TTC34: variants seen among roughly 807,000 people sequenced by gnomAD.
TTC34 encodes the protein tetratricopeptide repeat domain 34.
TTC34 carries 44 observed loss-of-function variants against 40.7 expected under a neutral mutation model. The ratio of observed to expected loss-of-function variants is 1.08; its 90% CI spans 0.85 to 1.39. TTC34 has a LOEUF of 1.39. TTC34 is among the 40% of genes most tolerant of loss of function. The probability of loss-of-function intolerance (pLI) is 0.00; values close to 1 mark genes in which losing one functional copy is unlikely to be tolerated. For missense variants in TTC34, 884 were observed against 838.0 expected (o/e 1.05, Z -0.68); for synonymous variants, 422 against 398.6 (o/e 1.06, Z -0.70).
At chr1:2,750,285 C>G (rs1381122667) in intron 6 of TTC34, among the ~76,000 whole-genome samples, 1 of 114,472 alleles carries the variant, frequency 8.7e-6, no homozygotes, top group Non-Finnish European at 1.8e-5. Flanking sequence ...AGCCCAGACC[C>G]CCAGGTGAGC....
At chr1:2,652,538 T>TCGGACAGCC (rs1256329769) in intron 6 of TTC34, among the ~76,000 whole-genome samples, 2 of 9,150 alleles carry the variant, frequency 2.2e-4, no homozygotes, top group Non-Finnish European at 2.9e-4. Context: ...CAGGCGAGCA[T>TCGGACAGCC]TGGAAAGCCT....
intron 6 of TTC34, among the ~76,000 whole-genome samples, chr1:2,699,229 C>T (rs558096067): frequency 7.0e-6 from 1 of 142,848 alleles, no homozygotes; most frequent in Non-Finnish European, 1.6e-5. Flanking sequence ...GAGCATCTGA[C>T]CGCCCGGAGC....
chr1:2,757,655 G>C (rs1641550789), intron 6 of TTC34, among the ~76,000 whole-genome samples: 1 of 146,196 alleles, frequency 6.8e-6, no homozygotes, highest in East Asian at 2.0e-4. Flanking sequence ...CCGACAGCCT[G>C]GAGCAGGACC....
chr1:2,699,330 A>G (rs549568407), intron 6 of TTC34, among the ~76,000 whole-genome samples: 1 of 87,992 alleles, frequency 1.1e-5, no homozygotes, highest in African/African-American at 3.6e-5. Context: ...AGCAGCCACA[A>G]CTCCAGGCGA....
chr1:2,779,849 T>A (rs1328196961), intron 6 of TTC34, among the ~76,000 whole-genome samples: 1 of 152,236 alleles, frequency 6.6e-6, no homozygotes, highest in African/African-American at 2.4e-5. Flanking sequence ...TCCAGCATCT[T>A]TTCATGTGCT....
At chr1:2,694,971 A>C (rs369260707) in intron 6 of TTC34, among the ~76,000 whole-genome samples, 236 of 148,282 alleles carry the variant, frequency 1.6e-3, no homozygotes, top group Middle Eastern at 3.5e-3. Flanking sequence ...AGCATCTGAC[A>C]GCCTGGAGCA....
intron 2 of TTC34, among the ~76,000 whole-genome samples, chr1:2,791,090 G>C (rs1260543019): frequency 6.6e-6 from 1 of 152,176 alleles, no homozygotes. Context: ...AGTGAGGTCA[G>C]GGGCAGCATC....
At chr1:2,781,461 A>G (rs972010359) in intron 6 of TTC34, among the ~76,000 whole-genome samples, 5 of 152,206 alleles carry the variant, frequency 3.3e-5, no homozygotes, top group African/African-American at 7.2e-5. Flanking sequence ...ATTTCTACAT[A>G]TAAGATCTGT....
intron 6 of TTC34, among the ~76,000 whole-genome samples, chr1:2,684,798 C>A (rs557103024): frequency 1.2e-4 from 16 of 133,752 alleles, no homozygotes; most frequent in African/African-American, 4.6e-4. Flanking sequence ...CACCCACACC[C>A]CCAGGTGAGC....
chr1:2,683,788 G>C (rs9442451), intron 6 of TTC34, among the ~76,000 whole-genome samples: 288 of 25,980 alleles, frequency 0.011, 1 homozygote, highest in Middle Eastern at 0.029. Flanking sequence ...GGAGCAGCAC[G>C]CACACCCCCA....
intron 6 of TTC34, among the ~76,000 whole-genome samples, chr1:2,657,472 C>A (rs564522464): frequency 4.9e-4 from 45 of 92,694 alleles, no homozygotes; most frequent in Non-Finnish European, 5.6e-5. Flanking sequence ...CCCAGGCGAG[C>A]ATCTGACCGA....
chr1:2,781,526 G>A (rs146902977), intron 6 of TTC34, among the ~76,000 whole-genome samples: 1 of 151,880 alleles, frequency 6.6e-6, no homozygotes, highest in African/African-American at 2.4e-5. Flanking sequence ...TTTTTTTCTT[G>A]CCTAGTTATT....
At chr1:2,777,691 G>T (rs982718475) in intron 6 of TTC34, among the ~76,000 whole-genome samples, 17 of 138,448 alleles carry the variant, frequency 1.2e-4, no homozygotes, top group African/African-American at 5.9e-4. Flanking sequence ...GAGGGCATGG[G>T]GGGGGGGGCG....
chr1:2,779,459 GAT>G (rs1397551858), intron 6 of TTC34, among the ~76,000 whole-genome samples: 1 of 152,118 alleles, frequency 6.6e-6, no homozygotes, highest in African/African-American at 2.4e-5. Context: ...GAGTAGCTGG[GAT>G]TACAGGCGCG....
chr1:2,686,058 A>T, intron 6 of TTC34, among the ~76,000 whole-genome samples: 1 of 119,392 alleles, frequency 8.4e-6, no homozygotes, highest in Non-Finnish European at 1.7e-5. Flanking sequence ...TGAGCATCCG[A>T]CAGCCTGGAG....
exon 5 of TTC34, chr1:2,785,835 C>T (rs1643579075): frequency 5.2e-6 from 8 of 1,544,056 alleles, no homozygotes; most frequent in South Asian, 1.2e-5. Flanking sequence ...CAAAGATGGC[C>T]AGAGACAGGT....
At chr1:2,801,005 CTG>C (rs1553172270) in intron 1 of TTC34, 137 bp from the exon 2 acceptor site, 3 of 397,498 alleles carry the variant, frequency 7.5e-6, no homozygotes, top group African/African-American at 6.2e-5. Flanking sequence ...TGGGTGAAAA[CTG>C]GGGGGATCCT....
intron 6 of TTC34, among the ~76,000 whole-genome samples, chr1:2,781,875 C>T (rs556229293): frequency 6.6e-5 from 10 of 152,230 alleles, no homozygotes; most frequent in Admixed American, 1.3e-4. Flanking sequence ...CACTTGGTCA[C>T]GTGTGTCATC....
At chr1:2,747,975 T>G (rs1352114472) in intron 6 of TTC34, among the ~76,000 whole-genome samples, 2 of 60,692 alleles carry the variant, frequency 3.3e-5, no homozygotes, top group East Asian at 1.0e-3. Flanking sequence ...GGTGAGCATC[T>G]GACAGCCTGG....
Sources: allele counts gnomAD v4.1 joint callset (sites outside exome capture counted in the v4.1 genomes callset), GRCh38; gene constraint gnomAD v4.1.1; transcripts MANE v1.5; gene names NCBI Gene and HGNC (gene_info 2026-07-23, HGNC 2026-07-21).